Variants in ANKRD30B observed in about 807,000 individuals in gnomAD.
ANKRD30B encodes the protein ankyrin repeat domain-containing protein 30B.
Under a neutral mutation model 202.2 loss-of-function variants are expected in ANKRD30B, and 144 were observed. The observed-to-expected ratio is 0.71, with a 90% CI of 0.62 to 0.82. The LOEUF (loss-of-function observed/expected upper bound fraction) is 0.82. ANKRD30B is among the 40% of genes least tolerant of loss of function. ANKRD30B has a pLI of 0.00. For synonymous variants in ANKRD30B, 508 were observed against 561.3 expected (o/e 0.91, Z 1.34); for missense variants, 1,487 against 1,669.1 (o/e 0.89, Z 1.90).
intron 7 of ANKRD30B, 139 bp from the exon 8 acceptor site, chr18:14,769,204 T>G: frequency 1.7e-6 from 1 of 582,138 alleles, no homozygotes; most frequent in East Asian, 3.2e-5. Flanking sequence ...CCTGGGCTCC[T>G]CAGGCGATCC....
At chr18:14,804,499 TC>T (rs1294852438) in intron 24 of ANKRD30B, among the ~76,000 whole-genome samples, 2 of 149,108 alleles carry the variant, frequency 1.3e-5, no homozygotes, top group African/African-American at 5.0e-5. Flanking sequence ...ACACTGTGAT[TC>T]AGCCGACTAG....
downstream of ANKRD30B, among the ~76,000 whole-genome samples, chr18:14,859,161 A>T (rs1371241589): frequency 2.6e-5 from 3 of 115,882 alleles, no homozygotes; most frequent in Admixed American, 1.6e-4. Flanking sequence ...GGCGCTCCTC[A>T]CCTCCCAGAT....
the ANKRD30B span, among the ~76,000 whole-genome samples, chr18:14,924,187 G>A: frequency 2.0e-5 from 3 of 152,164 alleles, no homozygotes; most frequent in Non-Finnish European, 2.9e-5. Flanking sequence ...CCAAACTGTT[G>A]TTAGAAATAA....
At chr18:14,821,665 C>T (rs1970429155) in intron 30 of ANKRD30B, among the ~76,000 whole-genome samples, 2 of 152,228 alleles carry the variant, frequency 1.3e-5, no homozygotes, top group South Asian at 2.1e-4. Flanking sequence ...GCTATTTTGG[C>T]CAGGCTGCTT....
intron 28 of ANKRD30B, among the ~76,000 whole-genome samples, chr18:14,810,387 G>C (rs558583305): frequency 6.6e-6 from 1 of 151,236 alleles, no homozygotes; most frequent in Non-Finnish European, 1.5e-5. Context: ...TCTGCTTTAC[G>C]TCATGTGGTT....
At position 14,797,970 on chromosome 18, in the gene ANKRD30B, A is replaced by T. The variant is rs564660001; in HGVS notation, c.2029+116A>T. 3.0e-6 allele frequency: 3 copies of T among 989,172 alleles called. No individual in the cohort carries two copies. In the South Asian group the frequency reaches 5.1e-5, roughly 17 times the overall value. The allele number at this position is 989,172 out of a possible 1,614,324, so 61.3% of individuals were successfully genotyped here. On this transcript the variant is annotated intron_variant, in intron 20 of 43. Transcript: ENST00000690538. ...TTTGAAAATTTGATGGGAAAATTTG[A>T]TACAAATAATGCCAATGTTAGTATT...
chr18:14,879,086 A>G, the ANKRD30B span, among the ~76,000 whole-genome samples: 8 of 151,836 alleles, frequency 5.3e-5, no homozygotes, highest in Admixed American at 3.3e-4. Context: ...GGACACCGCG[A>G]AGGCAGAGCA....
the ANKRD30B span, among the ~76,000 whole-genome samples, chr18:14,894,966 T>C: frequency 6.6e-6 from 1 of 151,752 alleles, no homozygotes; most frequent in Non-Finnish European, 1.5e-5. Flanking sequence ...AGATGCTCAA[T>C]ATCATAGATC....
At chr18:14,858,826 A>G (rs2143311535), downstream of ANKRD30B, among the ~76,000 whole-genome samples, 2 of 104,952 alleles carry the variant, frequency 1.9e-5, no homozygotes, top group East Asian at 2.7e-4. Flanking sequence ...GGTGCTCCTC[A>G]TTTCCCAGAC....
At chr18:14,931,896 CCCAGGCCCCCCACCCCA>C in the ANKRD30B span, among the ~76,000 whole-genome samples, 1 of 151,684 alleles carries the variant, frequency 6.6e-6, no homozygotes, top group South Asian at 2.1e-4. Context: ...GGCCCTCTGT[CCCAGGCCCCCCACCCCA>C]CCTCCCTCCT....
the ANKRD30B span, chr18:14,877,966 T>G: frequency 2.6e-5 from 4 of 152,226 alleles, no homozygotes; most frequent in Admixed American, 2.0e-4. Context: ...TCCCTGACTC[T>G]CCCCTGCTAC....
At chr18:14,932,067 C>A in the ANKRD30B span, among the ~76,000 whole-genome samples, 3 of 126,226 alleles carry the variant, frequency 2.4e-5, no homozygotes, top group African/African-American at 9.2e-5. Flanking sequence ...CACTGCCCTG[C>A]CCTTGTGGGG....
chr18:14,770,447 C>G (rs1966919053), intron 8 of ANKRD30B, among the ~76,000 whole-genome samples: 1 of 151,988 alleles, frequency 6.6e-6, no homozygotes, highest in South Asian at 2.1e-4. Context: ...TTTATATCAT[C>G]ATGTAGGTGA....
the ANKRD30B span, among the ~76,000 whole-genome samples, chr18:14,920,380 A>G: frequency 6.6e-6 from 1 of 152,208 alleles, no homozygotes; most frequent in South Asian, 2.1e-4. Flanking sequence ...TGCACCCTGT[A>G]ACTTGGAAGG....
rs1971930673 is a variant in ANKRD30B, at chr18:14,852,405, G to T, written c.4461G>T (p.Glu1487Asp). The T allele has an allele frequency of 6.6e-7, 1 of 1,519,318 alleles. No individual in the cohort carries two copies. The highest frequency in any genetic ancestry group is 2.5e-5 in the East Asian group (1 of 40,748). 94.1% of individuals were successfully genotyped at this position (1,519,318 alleles called of 1,614,324 possible). The change falls in exon 42 of 44, where the codon GAG becomes GAT. Residue 1487 changes from glutamate (E) to aspartate (D), a missense_variant. Physicochemically the swap from Glu to Asp is conservative, Grantham distance 45. This residue lies in a region of ANKRD30B where 182 missense variants were observed against 216.0 expected (regional missense o/e 0.84). Coordinates refer to ENST00000690538, the MANE Select transcript of ANKRD30B (RefSeq NM_001367607.2). The stretch of plus-strand genomic sequence containing the variant: ...AACGTATAGATCAATATGAAAAAGA[G>T]AAAGCAGAAAGAGAAGTAAGTATCA... Reference protein sequence around the residue: ...LKERIDQYEKEKAEREVIVRQ... With the variant: ...LKERIDQYEKDKAEREVIVRQ...
the ANKRD30B span, among the ~76,000 whole-genome samples, chr18:14,878,103 A>C: frequency 1.3e-5 from 2 of 152,204 alleles, no homozygotes; most frequent in Non-Finnish European, 1.5e-5. Flanking sequence ...GGGTGTCAGG[A>C]GAGGTCCTAC....
chr18:14,930,747 C>T, the ANKRD30B span, among the ~76,000 whole-genome samples: 11 of 152,282 alleles, frequency 7.2e-5, no homozygotes, highest in South Asian at 2.1e-4. Flanking sequence ...TTCCCCAGCA[C>T]GGTGGCTGAG....
At chr18:14,876,058 G>A in the ANKRD30B span, among the ~76,000 whole-genome samples, 1 of 151,944 alleles carries the variant, frequency 6.6e-6, no homozygotes, top group African/African-American at 2.4e-5. Flanking sequence ...GTGTGCTTTG[G>A]ACAACTAATG....
chr18:14,838,027 CA>C (rs887670515), intron 36 of ANKRD30B, among the ~76,000 whole-genome samples: 5 of 149,906 alleles, frequency 3.3e-5, no homozygotes, highest in African/African-American at 9.8e-5. Context: ...AAAAACAAAC[CA>C]AAAAAAAAGA....
Sources: gnomAD v4.1 joint callset for allele counts (sites outside exome capture counted in the v4.1 genomes callset) on GRCh38, gnomAD v4.1.1 for gene constraint, gnomAD v4.1.1 regional missense constraint, MANE v1.5 for transcripts, NCBI Gene and HGNC (gene_info 2026-07-23, HGNC 2026-07-21) for gene names.